The following GPC6 variants were observed in gnomAD, a reference collection of about 807,000 sequenced individuals.
GPC6 encodes the protein glypican 6.
In GPC6, 14 loss-of-function variants were observed where a neutral mutation model predicts 55.2. The ratio of observed to expected loss-of-function variants is 0.25; its 90% CI spans 0.17 to 0.40. The LOEUF is 0.40. Ranked by LOEUF, GPC6 falls within the 10% of genes least tolerant of loss-of-function variation. GPC6 has a pLI of 1.00. For synonymous variants in GPC6, 278 were observed against 259.6 expected (o/e 1.07, Z -0.68); for missense variants, 641 against 708.5 (o/e 0.90, Z 1.08).
chr13:93,318,146 C>A (rs1390072861), intron 1 of GPC6, among the ~76,000 whole-genome samples: 1 of 152,086 alleles, frequency 6.6e-6, no homozygotes, highest in Non-Finnish European at 1.5e-5. Context: ...TGTCTTGTAT[C>A]TAGAAAGTGG....
chr13:93,966,554 T>G (rs992626607), intron 3 of GPC6, among the ~76,000 whole-genome samples: 7 of 152,022 alleles, frequency 4.6e-5, no homozygotes, highest in Non-Finnish European at 8.8e-5. Context: ...CCAGCCCAAG[T>G]CACCAACTTG....
chr13:94,028,036 A>G (rs1232418113), intron 4 of GPC6, 142 bp downstream of exon 4: 21 of 784,318 alleles, frequency 2.7e-5, no homozygotes, highest in Non-Finnish European at 2.4e-5. Flanking sequence ...AGGCCAGTAC[A>G]GATGGATTGC....
intron 1 of GPC6, among the ~76,000 whole-genome samples, chr13:93,231,390 T>TAC (rs1230681156): frequency 6.7e-4 from 14 of 21,052 alleles, no homozygotes; most frequent in African/African-American, 2.9e-3. Flanking sequence ...CATATATATA[T>TAC]ATATATGTAT....
In GPC6 at chr13:93,494,803, G is replaced by T. The variant is rs377167965; in HGVS notation, c.161-50460G>T. On this transcript the variant is annotated intron_variant, in intron 1 of 8. Coordinates refer to ENST00000377047, the MANE Select transcript of GPC6 (RefSeq NM_005708.5). ...TATGAAGCTTAGTTTGGCTGGATAT[G>T]AAATTCTGGGTTGAAAATTCTTTTC... is the stretch of plus-strand genomic sequence containing the variant. Among the ~76,000 whole-genome samples the T allele has an allele frequency of 1.6e-4, 24 of 149,440 alleles. No homozygotes were observed. In the South Asian group the frequency reaches 5.1e-3, roughly 32 times the overall value.
At chr13:93,551,386 G>T (rs1258618557) in intron 2 of GPC6, among the ~76,000 whole-genome samples, 1 of 151,906 alleles carries the variant, frequency 6.6e-6, no homozygotes, top group African/African-American at 2.4e-5. Flanking sequence ...GTTGACTAGA[G>T]ATTGGCTGTT....
At chr13:93,764,271 T>C in intron 2 of GPC6, among the ~76,000 whole-genome samples, 1 of 151,962 alleles carries the variant, frequency 6.6e-6, no homozygotes, top group Non-Finnish European at 1.5e-5. Flanking sequence ...TACAAAATGC[T>C]ACCTTTCATT....
At chr13:93,615,374 T>C (rs752360770) in intron 2 of GPC6, among the ~76,000 whole-genome samples, 1 of 152,176 alleles carries the variant, frequency 6.6e-6, no homozygotes, top group Non-Finnish European at 1.5e-5. Context: ...CTGTTTGTTT[T>C]TGTTTATCCC....
chr13:93,443,846 A>G (rs899213286), intron 1 of GPC6, among the ~76,000 whole-genome samples: 1 of 150,830 alleles, frequency 6.6e-6, no homozygotes, highest in Admixed American at 6.6e-5. Context: ...TTAGAAAAGT[A>G]TCTGTGATGT....
intron 1 of GPC6, among the ~76,000 whole-genome samples, chr13:93,339,801 C>T (rs1040027408): frequency 1.3e-5 from 2 of 152,054 alleles, no homozygotes; most frequent in African/African-American, 4.8e-5. Flanking sequence ...AGGCTTACAT[C>T]AAAAAAGCTC....
In GPC6 at chr13:93,965,102, G is replaced by GTT. The variant is rs199810123; in HGVS notation, c.712-62625_712-62624dup. Among the ~76,000 whole-genome samples, 55 of 113,328 alleles carry GTT rather than the reference G, an allele frequency of 4.9e-4. 5 individuals carry two copies. Among genetic ancestry groups the GTT allele is most frequent in the African/African-American group, 1.1e-3 (32 of 29,112 alleles). The allele number at this position is 113,328 out of a possible 152,430, so 74.3% of individuals were successfully genotyped here. On this transcript the variant is annotated intron_variant, in intron 3 of 8. Coordinates refer to ENST00000377047, the MANE Select transcript of GPC6 (RefSeq NM_005708.5). Reference sequence around the variant, plus strand: ...AGTAAGTATTTGGGAAACACTATGAGTTTGTTTTTTTTTTTTTTTTTTTTT... The same window carrying GTT: ...AGTAAGTATTTGGGAAACACTATGAGTTTTTGTTTTTTTTTTTTTTTTTTTTT...
intron 3 of GPC6, among the ~76,000 whole-genome samples, chr13:93,976,544 A>G (rs1479460872): frequency 1.3e-5 from 2 of 151,550 alleles, no homozygotes; most frequent in Non-Finnish European, 2.9e-5. Flanking sequence ...AAGGGATGTT[A>G]CAGCTGCGGT....
chr13:94,025,314 A>C (rs1040465702), intron 3 of GPC6, among the ~76,000 whole-genome samples: 1 of 152,228 alleles, frequency 6.6e-6, no homozygotes, highest in African/African-American at 2.4e-5. Flanking sequence ...ATGCCCAGTA[A>C]GTTTGCAAGA....
At chr13:94,207,901 C>T (rs1477226644) in intron 4 of GPC6, among the ~76,000 whole-genome samples, 1 of 152,140 alleles carries the variant, frequency 6.6e-6, no homozygotes, top group Non-Finnish European at 1.5e-5. Flanking sequence ...ACCAACCTTA[C>T]ATTATTTTTG....
intron 1 of GPC6, among the ~76,000 whole-genome samples, chr13:93,339,323 C>T (rs952307081): frequency 4.0e-5 from 6 of 150,984 alleles, no homozygotes; most frequent in Non-Finnish European, 7.4e-5. Flanking sequence ...CTCTCATGAT[C>T]ATGGCTCTCC....
At chr13:93,892,114 A>G (rs1372076917) in intron 3 of GPC6, among the ~76,000 whole-genome samples, 1 of 151,976 alleles carries the variant, frequency 6.6e-6, no homozygotes, top group East Asian at 1.9e-4. Flanking sequence ...GTGTGTATGT[A>G]TAGTGTATGT....
At chr13:94,349,480 G>T (rs1188750423) in intron 6 of GPC6, among the ~76,000 whole-genome samples, 4 of 152,140 alleles carry the variant, frequency 2.6e-5, no homozygotes, top group African/African-American at 9.7e-5. Context: ...AAGATAGATG[G>T]ATCCACATTG....
At chr13:93,750,649 A>G (rs1408591141) in intron 2 of GPC6, among the ~76,000 whole-genome samples, 1 of 152,232 alleles carries the variant, frequency 6.6e-6, no homozygotes, top group Non-Finnish European at 1.5e-5. Context: ...TTCTCAGCAG[A>G]TTAGCTTAAA....
intron 2 of GPC6, among the ~76,000 whole-genome samples, chr13:93,759,576 C>T (rs1252105404): frequency 1.3e-5 from 2 of 152,104 alleles, no homozygotes; most frequent in African/African-American, 2.4e-5. Flanking sequence ...CACCTTACAT[C>T]GGATTTCAGA....
chr13:94,060,227 C>T (rs1884273094), intron 4 of GPC6, among the ~76,000 whole-genome samples: 1 of 152,096 alleles, frequency 6.6e-6, no homozygotes, highest in Admixed American at 6.5e-5. Context: ...GTACCATGCT[C>T]CTCTGCTTCT....
Sources: gnomAD v4.1 joint callset for allele counts (sites outside exome capture counted in the v4.1 genomes callset) on GRCh38, gnomAD v4.1.1 for gene constraint, MANE v1.5 for transcripts, NCBI Gene and HGNC (gene_info 2026-07-23, HGNC 2026-07-21) for gene names.